UCHL3: variants seen among roughly 807,000 people sequenced by gnomAD.
The protein encoded by UCHL3 is ubiquitin carboxyl-terminal hydrolase isozyme L3.
In UCHL3, 22 loss-of-function variants were observed where a neutral mutation model predicts 35.8. The observed-to-expected ratio is 0.61, with a 90% CI of 0.44 to 0.88. The LOEUF (loss-of-function observed/expected upper bound fraction) is 0.88, where lower values mean the gene tolerates loss of function less well. UCHL3 is among the 40% of genes least tolerant of loss of function. UCHL3 has a pLI of 0.00. For synonymous variants in UCHL3, 90 were observed against 92.8 expected (o/e 0.97, Z 0.17); for missense variants, 229 against 276.9 (o/e 0.83, Z 1.23).
chr13:75,581,072 A>G (rs1384257628), intron 6 of UCHL3, among the ~76,000 whole-genome samples: 1 of 152,042 alleles, frequency 6.6e-6, no homozygotes, highest in Admixed American at 6.6e-5. Context: ...TTTCCTATTA[A>G]CCGGAAATCT....
At position 75,599,316 on chromosome 13, in the gene UCHL3, A is replaced by G. The variant is rs187383442; in HGVS notation, c.550+4326A>G. Among the ~76,000 whole-genome samples the G allele has an allele frequency of 6.6e-5, 10 of 152,188 alleles. No homozygotes were observed. The East Asian group carries it at 1.7e-3, about 26-fold the overall frequency. ...GTTCTTCTGTTCTCTGAGTTTGCATAGCATTTGAAAATATGGCATTCTGTT... is the reference window on the plus strand; with the variant it reads ...GTTCTTCTGTTCTCTGAGTTTGCATGGCATTTGAAAATATGGCATTCTGTT... On this transcript the variant is annotated intron_variant, in intron 7 of 8. Transcript: ENST00000377595.
chr13:75,591,497 A>G (rs2032476651), intron 6 of UCHL3, among the ~76,000 whole-genome samples: 3 of 152,174 alleles, frequency 2.0e-5, no homozygotes. Flanking sequence ...AATGTGAATT[A>G]TTTCTTTTCT....
chr13:75,564,831 G>A (rs535805827), intron 3 of UCHL3, among the ~76,000 whole-genome samples: 1 of 152,100 alleles, frequency 6.6e-6, no homozygotes, highest in South Asian at 2.1e-4. Flanking sequence ...GAGTAGCTGG[G>A]ATTACAGGCA....
At chr13:75,573,322 GTAT>G (rs1488558936) in intron 6 of UCHL3, among the ~76,000 whole-genome samples, 1 of 151,504 alleles carries the variant, frequency 6.6e-6, no homozygotes, top group Non-Finnish European at 1.5e-5. Flanking sequence ...AGTGTTCGGT[GTAT>G]TATTATCTCC....
intron 6 of UCHL3, among the ~76,000 whole-genome samples, chr13:75,571,877 G>A (rs987237166): frequency 4.6e-5 from 7 of 151,874 alleles, no homozygotes; most frequent in African/African-American, 1.7e-4. Context: ...ACCCTAAAAT[G>A]TGTTGGAGTG....
At chr13:75,598,985 T>C (rs1313364928) in intron 7 of UCHL3, among the ~76,000 whole-genome samples, 1 of 152,206 alleles carries the variant, frequency 6.6e-6, no homozygotes, top group African/African-American at 2.4e-5. Flanking sequence ...ATCCATGATA[T>C]CATGTATTTT....
At chr13:75,555,468 T>C (rs984632731) in intron 2 of UCHL3, among the ~76,000 whole-genome samples, 1 of 152,188 alleles carries the variant, frequency 6.6e-6, no homozygotes, top group Non-Finnish European at 1.5e-5. Context: ...TCAACAAATA[T>C]GTAGTTGTCA....
In UCHL3 at chr13:75,594,922, G is replaced by A. The variant is rs201962508; in HGVS notation, c.482G>A (p.Ser161Asn). 705 of 1,605,944 alleles carry A rather than the reference G, an allele frequency of 4.4e-4. 7 individuals carry two copies. Among genetic ancestry groups the A allele is most frequent in the South Asian group, 4.3e-3 (385 of 89,076 alleles). ...SAHEGQTEAP[S>N]IDEKVDLHFI... ...TTTTCCCTCCTATTCCAGGCACCAA[G>A]TATAGATGAGAAAGTAGATCTTCAT... The change falls in exon 7 of 9, where the codon AGT becomes AAT. Residue 161 changes from serine to asparagine, a missense_variant. Coordinates refer to ENST00000377595, the MANE Select transcript of UCHL3 (RefSeq NM_006002.5).
chr13:75,573,556 A>ATGTCC (rs1312655299), intron 6 of UCHL3, among the ~76,000 whole-genome samples: 1 of 152,102 alleles, frequency 6.6e-6, no homozygotes, highest in Non-Finnish European at 1.5e-5. Flanking sequence ...TGGCTTGTAG[A>ATGTCC]CTACCACCTT....
chr13:75,573,261 T>C (rs978747274), intron 6 of UCHL3, among the ~76,000 whole-genome samples: 1 of 78,166 alleles, frequency 1.3e-5, no homozygotes, highest in African/African-American at 5.7e-5. Context: ...CGAGACTCTG[T>C]CTCAGAAAAA....
chr13:75,594,724 G>A lies in UCHL3; in HGVS notation c.475-191G>A, dbSNP rs184136173. Among the ~76,000 whole-genome samples, 4 of 152,262 alleles carry A rather than the reference G, an allele frequency of 2.6e-5. No homozygotes were observed. The East Asian group carries it at 7.7e-4, about 29-fold the overall frequency. On this transcript the variant is annotated intron_variant, in intron 6 of 8. Transcript: ENST00000377595. Reference sequence around the variant, plus strand: ...GCTTTTAGTCACTGTTTTCTTTGCCGATAACTGAGCACATTGTCACAAACA... The same window carrying A: ...GCTTTTAGTCACTGTTTTCTTTGCCAATAACTGAGCACATTGTCACAAACA...
intron 7 of UCHL3, among the ~76,000 whole-genome samples, chr13:75,601,981 T>C (rs925191337): frequency 9.2e-5 from 14 of 151,828 alleles, no homozygotes; most frequent in Non-Finnish European, 1.6e-4. Context: ...TGGTGGTGGG[T>C]GCCTGTAGTC....
At chr13:75,572,147 T>C (rs1031260059) in intron 6 of UCHL3, among the ~76,000 whole-genome samples, 2 of 152,116 alleles carry the variant, frequency 1.3e-5, no homozygotes, top group African/African-American at 4.8e-5. Flanking sequence ...TCTATTCTTC[T>C]TGCAGTACTC....
chr13:75,585,467 A>G (rs1026942467), intron 6 of UCHL3, among the ~76,000 whole-genome samples: 1 of 152,142 alleles, frequency 6.6e-6, no homozygotes, highest in Non-Finnish European at 1.5e-5. Flanking sequence ...GAGACAGACA[A>G]AAACTGAGAG....
chr13:75,597,863 T>G (rs8192761), intron 7 of UCHL3, among the ~76,000 whole-genome samples: 18,760 of 152,262 alleles, frequency 0.12, 1,452 homozygotes, highest in Middle Eastern at 0.29. Flanking sequence ...AATTCCCTAC[T>G]CTAATAAATT....
intron 2 of UCHL3, among the ~76,000 whole-genome samples, chr13:75,556,178 G>A (rs1566208222): frequency 1.3e-5 from 2 of 152,080 alleles, no homozygotes; most frequent in Admixed American, 1.3e-4. Context: ...CACCTTTGTT[G>A]GCAATTTTGT....
Position 75,594,991 on chromosome 13 carries a change from G to A in UCHL3, c.550+1G>A. The A allele has an allele frequency of 6.3e-7, 1 of 1,595,734 alleles. No individual in the cohort carries two copies. The highest frequency in any genetic ancestry group is 8.5e-7 in the Non-Finnish European group (1 of 1,171,272). ...GTAGATGGGCATCTCTATGAATTAG[G>A]TAAGAACTATTTTAATTTGTCCTGG... is the stretch of plus-strand genomic sequence containing the variant. On this transcript the variant is annotated splice_donor_variant, in intron 7 of 8. Transcript: ENST00000377595. LOFTEE classifies it high-confidence loss of function.
intron 2 of UCHL3, among the ~76,000 whole-genome samples, chr13:75,552,095 T>C (rs534101229): frequency 6.6e-6 from 1 of 152,340 alleles, no homozygotes; most frequent in Admixed American, 6.5e-5. Flanking sequence ...AGTATATGAT[T>C]GTACATTATA....
Position 75,577,869 on chromosome 13 carries a change from T to A in UCHL3, c.474+8362T>A, listed in dbSNP as rs1488322538. Among the ~76,000 whole-genome samples, 6 of 151,826 alleles carry A rather than the reference T, an allele frequency of 4.0e-5. No individual in the cohort carries two copies. The East Asian group carries it at 1.2e-3, about 29-fold the overall frequency. ...AAAAGTAATTCCTAAAATTTGTGAT[T>A]TGTCCATATTAATTGAGGAGCCAGC... On this transcript the variant is annotated intron_variant, in intron 6 of 8. Transcript: ENST00000377595.
Sources: allele counts gnomAD v4.1 joint callset (sites outside exome capture counted in the v4.1 genomes callset), GRCh38; gene constraint gnomAD v4.1.1; transcripts MANE v1.5; gene names NCBI Gene and HGNC (gene_info 2026-07-23, HGNC 2026-07-21).